The following DDX1 variants were observed in gnomAD, a reference collection of about 807,000 sequenced individuals.
The protein encoded by DDX1 is ATP-dependent RNA helicase DDX1.
DDX1 carries 28 observed loss-of-function variants against 108.7 expected under a neutral mutation model. That is an observed-to-expected ratio of 0.26 (90% CI 0.19 to 0.35). The LOEUF is 0.35. Among genes scored for constraint, DDX1 ranks in the 10% least tolerant of loss-of-function variants. DDX1 has a pLI of 1.00. For synonymous variants in DDX1, 295 were observed against 288.9 expected, an observed-to-expected ratio of 1.02 and a Z score of -0.21; for missense variants, 710 against 884.5, an observed-to-expected ratio of 0.80 and a Z score of 2.50.
chr2:15,605,204 C>T (rs185516020), intron 10 of DDX1, among the ~76,000 whole-genome samples: 39 of 152,174 alleles, frequency 2.6e-4, no homozygotes, highest in Middle Eastern at 3.4e-3. Context: ...TTGTTGAAGA[C>T]ACATTGGAGG....
In DDX1 at chr2:15,629,643, T is replaced by C. The variant is rs769395831; in HGVS notation, c.1917T>C (p.Tyr639=). The part of the protein sequence containing the change: ...HVCSSRGKGC[Y]NTRLKEDGGC... The stretch of plus-strand genomic sequence containing the variant: ...GTAGCAGCCGTGGAAAAGGGTGTTA[T>C]AACACAAGACTCAAGGAAGATGGAG... Residue 639 remains tyrosine, a synonymous_variant, in exon 24 of 26, where the codon TAT becomes TAC. Coordinates refer to ENST00000233084, the MANE Select transcript of DDX1 (RefSeq NM_004939.3). The C allele has an allele frequency of 2.5e-6, 4 of 1,590,366 alleles. No homozygotes were observed. Among genetic ancestry groups the C allele is most frequent in the African/African-American group, 2.7e-5 (2 of 73,216 alleles).
Position 15,631,022 on chromosome 2 carries a change from A to ATTAG in DDX1, c.*116_*117insTTAG, listed in dbSNP as rs1666186603. The ATTAG allele has an allele frequency of 1.1e-6, 1 of 897,162 alleles. No individual in the cohort carries two copies. Among genetic ancestry groups the ATTAG allele is most frequent in the African/African-American group, 1.7e-5 (1 of 59,776 alleles). 55.6% of individuals were successfully genotyped at this position (897,162 alleles called of 1,614,324 possible). ...ATAGTAACGTAAGCTATTAATGCTA[A>ATTAG]CTCTTGCATGTCAAGAAACATTAGT... On this transcript the variant is annotated 3_prime_UTR_variant, in exon 26 of 26. Coordinates refer to ENST00000233084, the MANE Select transcript of DDX1 (RefSeq NM_004939.3).
At chr2:15,601,223 G>A (rs1234370516) in intron 6 of DDX1, among the ~76,000 whole-genome samples, 1 of 152,150 alleles carries the variant, frequency 6.6e-6, no homozygotes, top group African/African-American at 2.4e-5. Context: ...TTTACGAGTT[G>A]AGAACTGATG....
intron 19 of DDX1, among the ~76,000 whole-genome samples, chr2:15,624,439 G>A (rs762475866): frequency 6.6e-6 from 1 of 152,158 alleles, no homozygotes; most frequent in Non-Finnish European, 1.5e-5. Flanking sequence ...AAGGAAAGAG[G>A]TTTAATTGAC....
intron 23 of DDX1, 44 bp from the exon 24 acceptor site, chr2:15,629,558 C>G (rs1252014802): frequency 7.4e-7 from 1 of 1,349,900 alleles, no homozygotes. Context: ...TTTAGCATGT[C>G]TCTATCTCCA....
chr2:15,619,604 A>G (rs1434952733), intron 16 of DDX1, among the ~76,000 whole-genome samples: 1 of 152,234 alleles, frequency 6.6e-6, no homozygotes, highest in Non-Finnish European at 1.5e-5. Flanking sequence ...CCCTCTCATT[A>G]AATTTATTAC....
chr2:15,624,480 A>G (rs1304807726), intron 19 of DDX1, among the ~76,000 whole-genome samples: 1 of 152,274 alleles, frequency 6.6e-6, no homozygotes, highest in Non-Finnish European at 1.5e-5. Context: ...GGAAGCAAAC[A>G]CGTCCTTCTT....
Position 15,630,047 on chromosome 2 carries a change from A to G in DDX1, c.2029A>G (p.Ile677Val), listed in dbSNP as rs766539109. 3 of 1,613,054 alleles carry G rather than the reference A, an allele frequency of 1.9e-6. No homozygotes were observed. Among genetic ancestry groups the G allele is most frequent in the East Asian group, 4.5e-5 (2 of 44,874 alleles). ...NCTISQVEPDIKVPVDEFDGK... is the reference protein window; with the variant it reads ...NCTISQVEPDVKVPVDEFDGK... ...TACCATTTCTCAGGTTGAGCCGGATATAAAGGTACCAGTGGATGAATTTGA... is the reference window on the plus strand; with the variant it reads ...TACCATTTCTCAGGTTGAGCCGGATGTAAAGGTACCAGTGGATGAATTTGA... Residue 677 changes from isoleucine (I) to valine (V), a missense_variant, in exon 25 of 26, where the codon ATA becomes GTA. By Grantham distance (29) the Ile-to-Val change is conservative. Coordinates refer to ENST00000233084, the MANE Select transcript of DDX1 (RefSeq NM_004939.3).
intron 23 of DDX1, 56 bp downstream of exon 23, chr2:15,628,895 G>T: frequency 6.6e-7 from 1 of 1,513,254 alleles, no homozygotes; most frequent in Non-Finnish European, 9.2e-7. Context: ...TTTAGATGTT[G>T]GAAATAAAAG....
Position 15,623,507 on chromosome 2 carries a change from G to C in DDX1, c.1519G>C (p.Asp507His), listed in dbSNP as rs1278421903. Residue 507 changes from aspartate to histidine, a missense_variant, in exon 19 of 26, where the codon GAT becomes CAT. Coordinates refer to ENST00000233084, the MANE Select transcript of DDX1 (RefSeq NM_004939.3). ...AVRAIKEHKM[D>H]QAIIFCRTKI... is the part of the protein sequence containing the mutation. ...CCGGGCAATCAAGGAACATAAGATG[G>C]ATCAAGCAATTATCTTCTGTAGAAC... 6.2e-7 allele frequency: 1 copy of C among 1,613,370 alleles called. No individual in the cohort carries two copies. The highest frequency in any genetic ancestry group is 1.3e-5 in the African/African-American group (1 of 74,998).
At chr2:15,607,027 C>A in intron 12 of DDX1, 148 bp from the exon 13 acceptor site, 1 of 795,224 alleles carries the variant, frequency 1.3e-6, no homozygotes, top group Non-Finnish European at 1.9e-6. Context: ...TTTTAGAAAT[C>A]TAAGGTTTAT....
chr2:15,608,568 T>TTTGGTG (rs1353834888), intron 13 of DDX1, among the ~76,000 whole-genome samples: 1 of 151,780 alleles, frequency 6.6e-6, no homozygotes, highest in Non-Finnish European at 1.5e-5. Flanking sequence ...GTTCATTGGT[T>TTTGGTG]TTTAGTATAT....
intron 8 of DDX1, among the ~76,000 whole-genome samples, chr2:15,603,545 A>G (rs1351760499): frequency 6.6e-6 from 1 of 152,248 alleles, no homozygotes; most frequent in Non-Finnish European, 1.5e-5. Flanking sequence ...ACACAGTACC[A>G]TATAGATGCT....
At chr2:15,609,023 A>C (rs896591485) in intron 13 of DDX1, among the ~76,000 whole-genome samples, 1 of 152,224 alleles carries the variant, frequency 6.6e-6, no homozygotes, top group African/African-American at 2.4e-5. Context: ...AACAATGAAA[A>C]TTAATCTTCC....
chr2:15,600,623 C>T (rs1416225403), intron 6 of DDX1, among the ~76,000 whole-genome samples: 1 of 151,928 alleles, frequency 6.6e-6, no homozygotes, highest in Non-Finnish European at 1.5e-5. Context: ...CTCAGATGGA[C>T]TGAAATCTGA....
intron 13 of DDX1, among the ~76,000 whole-genome samples, 182 bp from the exon 14 acceptor site, chr2:15,613,042 G>T (rs1665824297): frequency 6.6e-6 from 1 of 151,978 alleles, no homozygotes; most frequent in Admixed American, 6.6e-5. Context: ...GAGGGGGAGG[G>T]GGAGGGAGAG....
At chr2:15,612,789 G>A (rs1162042324) in intron 13 of DDX1, among the ~76,000 whole-genome samples, 4 of 152,338 alleles carry the variant, frequency 2.6e-5, no homozygotes, top group South Asian at 2.1e-4. Flanking sequence ...CGGATCACTC[G>A]CGGTTAGGAG....
At chr2:15,611,923 C>A (rs1402450249) in intron 13 of DDX1, among the ~76,000 whole-genome samples, 2 of 110,142 alleles carry the variant, frequency 1.8e-5, no homozygotes, top group African/African-American at 4.7e-5. Flanking sequence ...AGCTGACCCC[C>A]CCACCTTCCT....
chr2:15,625,818 G>A (rs1280434354), intron 19 of DDX1, among the ~76,000 whole-genome samples: 5 of 151,920 alleles, frequency 3.3e-5, no homozygotes, highest in African/African-American at 1.2e-4. Context: ...ACTCAAGAAG[G>A]ATATAGAATA....
Sources: allele counts gnomAD v4.1 joint callset (sites outside exome capture counted in the v4.1 genomes callset), GRCh38; gene constraint gnomAD v4.1.1; transcripts MANE v1.5; gene names NCBI Gene and HGNC (gene_info 2026-07-23, HGNC 2026-07-21).